The following UTP14A variants were observed in gnomAD, a reference collection of about 807,000 sequenced individuals.
UTP14A encodes the protein U3 small nucleolar RNA-associated protein 14 homolog A.
Under a neutral mutation model 57.2 loss-of-function variants are expected in UTP14A, and 5 were observed. That is an observed-to-expected ratio of 0.09 (90% confidence interval 0.05 to 0.18). The LOEUF (loss-of-function observed/expected upper bound fraction) is 0.18, where lower values mean the gene tolerates loss of function less well. UTP14A is among the 10% of genes least tolerant of loss of function. UTP14A has a pLI of 1.00. For synonymous variants in UTP14A, 169 were observed against 210.9 expected (o/e 0.80, Z 1.72); for missense variants, 430 against 562.1 (o/e 0.76, Z 2.38).
chrX:129,906,306 T>C, intron 1 of UTP14A, 70 bp downstream of exon 1: 2 of 1,059,547 alleles, frequency 1.9e-6, no homozygotes, highest in South Asian at 1.9e-5. Context: ...TTTTGGGAAA[T>C]GGGAGCCCCC....
At chrX:129,920,095 G>T (rs1320576418) in intron 8 of UTP14A, among the ~76,000 whole-genome samples, 1 of 111,415 alleles carries the variant, frequency 9.0e-6, no homozygotes, top group Non-Finnish European at 1.9e-5. Context: ...AGGCTGAGGC[G>T]GGAGGATCGC....
intron 11 of UTP14A, chrX:129,922,914 A>C (rs1169117459): frequency 1.8e-5 from 2 of 111,379 alleles, no homozygotes; most frequent in African/African-American, 6.5e-5. Context: ...GGGGGTGTAC[A>C]TATATGACCA....
chrX:129,913,024 G>A (rs1052035125), intron 6 of UTP14A, among the ~76,000 whole-genome samples: 1 of 111,615 alleles, frequency 9.0e-6, no homozygotes, highest in African/African-American at 3.2e-5. Flanking sequence ...TTTTTAGTCC[G>A]AATAACTGCT....
chrX:129,909,876 C>T (rs1929401111), intron 4 of UTP14A, among the ~76,000 whole-genome samples: 2 of 112,024 alleles, frequency 1.8e-5, no homozygotes, highest in Non-Finnish European at 1.9e-5. Flanking sequence ...GTATTCCAAG[C>T]GTACTTATTC....
At chrX:129,923,152 A>G (rs1284304758) in intron 11 of UTP14A, 2 of 112,686 alleles carry the variant, frequency 1.8e-5, no homozygotes, top group African/African-American at 6.4e-5. Context: ...ATAAACGTAC[A>G]TGTGTCCAAA....
rs761345055 is a variant in UTP14A, at chrX:129,929,368, T to C, written c.2076T>C (p.His692=). The C allele has an allele frequency of 1.7e-5, 21 of 1,209,098 alleles. No homozygotes were observed. The East Asian group carries it at 3.6e-4, about 20-fold the overall frequency. The part of the protein sequence containing the change: ...VRVLPYPFTH[H]WQFERTIQTP... ...TGCTTCCATATCCATTTACCCACCA[T>C]TGGCAATTTGAAAGGACCATCCAGA... The change falls in exon 15 of 15, where the codon CAT becomes CAC. Residue 692 remains histidine, a synonymous_variant. Coordinates refer to ENST00000394422, the MANE Select transcript of UTP14A (RefSeq NM_006649.4).
intron 4 of UTP14A, 130 bp downstream of exon 4, chrX:129,908,864 T>C (rs1422224699): frequency 3.3e-6 from 2 of 607,532 alleles, no homozygotes; most frequent in Non-Finnish European, 5.3e-6. Context: ...CCTGGGAGAG[T>C]GGGTGAAGAA....
intron 1 of UTP14A, 118 bp downstream of exon 1, chrX:129,906,354 C>A: frequency 1.4e-6 from 1 of 695,240 alleles, no homozygotes; most frequent in Non-Finnish European, 2.2e-6. Flanking sequence ...GAAGAGCTGG[C>A]CATTCGTTCC....
At chrX:129,920,207 G>A (rs1448687937) in intron 8 of UTP14A, among the ~76,000 whole-genome samples, 1 of 110,400 alleles carries the variant, frequency 9.1e-6, no homozygotes. Context: ...AATGAAACTT[G>A]TTCTACCCCT....
chrX:129,914,950 G>A (rs1029688411), intron 6 of UTP14A, among the ~76,000 whole-genome samples: 2 of 112,767 alleles, frequency 1.8e-5, no homozygotes, highest in Non-Finnish European at 1.9e-5. Context: ...GGTGGCTCAC[G>A]CCTGTAATCC....
At chrX:129,919,958 G>A (rs1681695634) in intron 8 of UTP14A, among the ~76,000 whole-genome samples, 1 of 111,553 alleles carries the variant, frequency 9.0e-6, no homozygotes. Context: ...GGAGGCTCAG[G>A]CAGGTGGATC....
rs1296666739 is a variant in UTP14A, at chrX:129,925,214, G to A, written c.1749+19G>A. 8.4e-7 allele frequency: 1 copy of A among 1,190,627 alleles called. No homozygotes were observed. Among genetic ancestry groups the A allele is most frequent in the African/African-American group, 1.8e-5 (1 of 56,137 alleles). ...GGAGCTGGTGAGCAGAGCCAGGGTG[G>A]TGGGCCATTGTTCAGAAAGTGTCGT... On this transcript the variant is annotated intron_variant, in intron 12 of 14. Coordinates refer to ENST00000394422, the MANE Select transcript of UTP14A (RefSeq NM_006649.4).
intron 11 of UTP14A, 69 bp from the exon 12 acceptor site, chrX:129,924,726 A>G (rs1385403042): frequency 9.6e-6 from 11 of 1,143,458 alleles, no homozygotes; most frequent in Middle Eastern, 2.4e-4. Flanking sequence ...TGGGTGCTCA[A>G]CAAATGCTTA....
intron 2 of UTP14A, 129 bp from the exon 3 acceptor site, chrX:129,907,930 TG>T: frequency 1.7e-6 from 1 of 581,318 alleles, no homozygotes; most frequent in Non-Finnish European, 2.8e-6. Flanking sequence ...CACTCCATCC[TG>T]GGCAACAGAG....
chrX:129,916,793 T>C (rs1011245304), intron 6 of UTP14A, among the ~76,000 whole-genome samples: 2 of 111,977 alleles, frequency 1.8e-5, no homozygotes, highest in Non-Finnish European at 3.8e-5. Flanking sequence ...CACGTTGTTC[T>C]ATTACATACC....
At chrX:129,916,156 G>A (rs1259876061) in intron 6 of UTP14A, among the ~76,000 whole-genome samples, 5 of 109,616 alleles carry the variant, frequency 4.6e-5, no homozygotes, top group Non-Finnish European at 5.7e-5. Context: ...GGGTTTCACC[G>A]TGTTAGCCAG....
chrX:129,919,776 T>C (rs1398228579), intron 8 of UTP14A, among the ~76,000 whole-genome samples: 3 of 112,179 alleles, frequency 2.7e-5, no homozygotes, highest in Middle Eastern at 4.7e-3. Flanking sequence ...CTTCCTGCCT[T>C]TTTGCCTCTT....
At position 129,919,250 on chromosome X, in the gene UTP14A, A is replaced by G. The variant is rs776884692; in HGVS notation, c.613A>G (p.Thr205Ala). ...GCAGCCAGTGACAGACCCTTTACTG[A>G]CCCCTGTGGAAAAGGCCTCTCTCCG... ...NKQPVTDPLLTPVEKASLRAM... is the reference protein window; with the variant it reads ...NKQPVTDPLLAPVEKASLRAM... The change falls in exon 7 of 15, where the codon ACC becomes GCC. Residue 205 changes from threonine to alanine, a missense_variant. This residue lies in a region of UTP14A where 145 missense variants were observed against 153.5 expected (regional missense o/e 0.94). Coordinates refer to ENST00000394422, the MANE Select transcript of UTP14A (RefSeq NM_006649.4). 5.8e-6 allele frequency: 7 copies of G among 1,209,278 alleles called. No homozygotes were observed. The African/African-American group carries it at 1.2e-4, about 21-fold the overall frequency.
chrX:129,924,872 C>T lies in UTP14A; in HGVS notation c.1426C>T (p.Gln476Ter), dbSNP rs1260276282. 1 of 1,210,967 alleles carries T rather than the reference C, an allele frequency of 8.3e-7. No homozygotes were observed. Reference protein sequence around the residue: ...KLKENHQSRKQKASSEGTIPQ... With the variant: ...KLKENHQSRK ...GAAGGAAAACCATCAGTCCAGGAAGCAAAAAGCAAGTTCAGAGGGGACTAT... is the reference window on the plus strand; with the variant it reads ...GAAGGAAAACCATCAGTCCAGGAAGTAAAAAGCAAGTTCAGAGGGGACTAT... Residue 476 changes from glutamine to a stop codon, truncating the protein, a stop_gained, in exon 12 of 15, where the codon CAA becomes TAA. Coordinates refer to ENST00000394422, the MANE Select transcript of UTP14A (RefSeq NM_006649.4). LOFTEE classifies it high-confidence loss of function.
Sources: gnomAD v4.1 joint callset for allele counts (sites outside exome capture counted in the v4.1 genomes callset) on GRCh38, gnomAD v4.1.1 for gene constraint, gnomAD v4.1.1 regional missense constraint, MANE v1.5 for transcripts, NCBI Gene and HGNC (gene_info 2026-07-23, HGNC 2026-07-21) for gene names.